The following ADGRG3 variants were observed in gnomAD, a reference collection of about 807,000 sequenced individuals.
ADGRG3 encodes adhesion G protein-coupled receptor G3.
A neutral mutation model predicts 54.3 loss-of-function variants in ADGRG3; 39 were observed. That is an observed-to-expected ratio of 0.72 (90% CI 0.56 to 0.94). ADGRG3 has a LOEUF of 0.94. Ranked by LOEUF, ADGRG3 falls within the 40% of genes least tolerant of loss-of-function variation. ADGRG3 has a pLI of 0.00. For synonymous variants in ADGRG3, 312 were observed against 290.0 expected, an observed-to-expected ratio of 1.08 and a Z score of -0.77; for missense variants, 654 against 694.6, an observed-to-expected ratio of 0.94 and a Z score of 0.66.
rs1238489251 is a variant in ADGRG3 at position 57,688,973 on chromosome 16, T to TGA, written c.*513_*514insAG. The TGA allele has an allele frequency of 6.3e-6, 1 of 159,946 alleles. No homozygotes were observed. The highest frequency in any genetic ancestry group is 5.9e-5 in the Admixed American group (1 of 16,940). The allele number at this position is 159,946 out of a possible 1,614,324, so 9.9% of individuals were successfully genotyped here. A position where few individuals can be genotyped will look rare whatever the true frequency, so the allele number is the denominator to read the frequency against. Reference sequence around the variant, plus strand: ...TTGATCCTCCCACCCAGTCTGCCCCTGGTCTCTGCCCATCCAATCAGAGCC... The same window carrying TGA: ...TTGATCCTCCCACCCAGTCTGCCCCTGAGGTCTCTGCCCATCCAATCAGAGCC... On this transcript the variant is annotated 3_prime_UTR_variant, in exon 12 of 12. Coordinates refer to ENST00000333493, the MANE Select transcript of ADGRG3 (RefSeq NM_170776.5).
rs571437320 is a variant in ADGRG3 at position 57,679,305 on chromosome 16, G to A, written c.621G>A (p.Pro207=). ...PLEIVFSHQR[P]PPNMTLTCVF... The stretch of plus-strand genomic sequence containing the variant: ...AGATCGTCTTCTCTCACCAGCGACC[G>A]CCCCCTGTGAGTCCCCTGCTCAGGC... The change falls in exon 5 of 12, where the codon CCG becomes CCA. Residue 207 remains proline (P), a synonymous_variant. Transcript: ENST00000333493. The A allele has an allele frequency of 3.5e-5, 56 of 1,613,654 alleles. No homozygotes were observed. Among genetic ancestry groups the A allele is most frequent in the African/African-American group, 1.6e-4 (12 of 75,012 alleles).
intron 1 of ADGRG3, 135 bp from the exon 2 acceptor site, chr16:57,673,186 A>G (rs2048192689): frequency 5.1e-6 from 4 of 785,714 alleles, no homozygotes; most frequent in South Asian, 1.8e-5. Flanking sequence ...GCTCAAGTGC[A>G]CCGTTAGTGT....
Position 57,685,689 on chromosome 16 carries a change from G to T in ADGRG3, c.1303G>T (p.Val435Phe), listed in dbSNP as rs201900158. 2.5e-6 allele frequency: 4 copies of T among 1,614,164 alleles called. No individual in the cohort carries two copies. In the Admixed American group the frequency reaches 6.7e-5, roughly 27 times the overall value. Residue 435 changes from valine (V) to phenylalanine (F), a missense_variant, in exon 11 of 12, where the codon GTC (valine) becomes TTC (phenylalanine). Val to Phe is a conservative substitution (Grantham distance 50). Transcript: ENST00000333493. The stretch of plus-strand genomic sequence containing the variant: ...AACCATGTACGCCCTCTATATCACC[G>T]TCCACGGCTACTTCCTCATCACCTT... ...GTTMYALYIT[V>F]HGYFLITFLF...
intron 10 of ADGRG3, 102 bp from the exon 11 acceptor site, chr16:57,685,541 G>A (rs1178544993): frequency 1.8e-6 from 2 of 1,142,426 alleles, no homozygotes; most frequent in African/African-American, 1.5e-5. Context: ...GTGGAAATGG[G>A]AGAGGCACCT....
intron 10 of ADGRG3, 139 bp from the exon 11 acceptor site, chr16:57,685,504 C>A (rs549740790): frequency 2.5e-6 from 2 of 791,500 alleles, no homozygotes; most frequent in East Asian, 2.5e-5. Flanking sequence ...CGGCCCCTCC[C>A]ACAGCGGGAG....
chr16:57,679,078 C>A, intron 4 of ADGRG3, 99 bp from the exon 5 acceptor site: 1 of 1,426,818 alleles, frequency 7.0e-7, no homozygotes, highest in Non-Finnish European at 9.6e-7. Context: ...GCCCTCCAAG[C>A]AAAGGCCATG....
In ADGRG3 at chr16:57,680,335, T is replaced by C; in HGVS notation, c.738T>C (p.Cys246=). 1 of 1,613,034 alleles carries C rather than the reference T, an allele frequency of 6.2e-7. No individual in the cohort carries two copies. Among genetic ancestry groups the C allele is most frequent in the Non-Finnish European group, 8.5e-7 (1 of 1,179,706 alleles). The change falls in exon 7 of 12, where the codon TGT becomes TGC. Residue 246 remains cysteine (C), a synonymous_variant. Coordinates refer to ENST00000333493, the MANE Select transcript of ADGRG3 (RefSeq NM_170776.5). ...GACCTGAGGGGACCGTGTGCTGCTG[T>C]GACCACCTGACCTTTTTCGCCCTGC... The part of the protein sequence containing the change: ...EVRPEGTVCC[C]DHLTFFALLL...
intron 1 of ADGRG3, among the ~76,000 whole-genome samples, chr16:57,669,693 C>T (rs2048118256): frequency 6.6e-6 from 1 of 150,402 alleles, no homozygotes; most frequent in Non-Finnish European, 1.5e-5. Flanking sequence ...TCTCCATTTG[C>T]GCATTCATTC....
intron 9 of ADGRG3, 85 bp from the exon 10 acceptor site, chr16:57,684,305 T>C: frequency 6.4e-7 from 1 of 1,565,384 alleles, no homozygotes; most frequent in Admixed American, 1.7e-5. Context: ...TTCCCAGAGC[T>C]GGAGGGATGG....
At chr16:57,682,955 G>C (rs1199498643) in intron 8 of ADGRG3, among the ~76,000 whole-genome samples, 1 of 152,254 alleles carries the variant, frequency 6.6e-6, no homozygotes, top group East Asian at 1.9e-4. Context: ...GCATGGGAAA[G>C]ACCCGAGGAG....
chr16:57,686,293 C>T (rs775260635), intron 11 of ADGRG3, among the ~76,000 whole-genome samples: 2 of 152,098 alleles, frequency 1.3e-5, no homozygotes, highest in African/African-American at 4.8e-5. Flanking sequence ...TATCACATGG[C>T]GAGAGTGGGA....
At position 57,688,304 on chromosome 16, in the gene ADGRG3, C is replaced by T. The variant is rs564691068; in HGVS notation, c.1541-48C>T. On this transcript the variant is annotated intron_variant, in intron 11 of 11. Transcript: ENST00000333493. ...AGCCACCAGCCCAGGCTGCCCCACTCTCTGCCCACCCCTTTCCAGGCTCAC... is the reference window on the plus strand; with the variant it reads ...AGCCACCAGCCCAGGCTGCCCCACTTTCTGCCCACCCCTTTCCAGGCTCAC... 1.0e-5 allele frequency: 13 copies of T among 1,239,998 alleles called. No individual in the cohort carries two copies. In the East Asian group the frequency reaches 2.1e-4, roughly 20 times the overall value. 76.8% of individuals were successfully genotyped at this position (1,239,998 alleles called of 1,614,324 possible).
Position 57,678,714 on chromosome 16 carries a change from T to C in ADGRG3, c.492+398T>C, listed in dbSNP as rs2048308906. On this transcript the variant is annotated intron_variant, in intron 4 of 11. Transcript: ENST00000333493. ...GTGTACCCATGCCCTTGCACATGTG[T>C]ATACCAGGTATGTGCACCCAGAGGT... 1.6e-5 allele frequency: 5 copies of C among 319,586 alleles called. No homozygotes were observed. In the South Asian group the frequency reaches 1.8e-4, roughly 12 times the overall value. The allele number at this position is 319,586 out of a possible 1,614,324, so 19.8% of individuals were successfully genotyped here. A position where few individuals can be genotyped will look rare whatever the true frequency, so the allele number is the denominator to read the frequency against.
At position 57,685,845 on chromosome 16, in the gene ADGRG3, GGT is replaced by G. The variant is rs549547490; in HGVS notation, c.1463_1464del (p.Val488AspfsTer78). The G allele has an allele frequency of 8.1e-6, 13 of 1,614,114 alleles. No homozygotes were observed. The East Asian group carries it at 2.7e-4, about 33-fold the overall frequency. ...LTLLGLSSLV[G>X]VTWGLAIFTP... ...CCTGCTGGGCCTCTCGAGCCTGGTG[GGT>G]GTGACATGGGGGTTGGCCATCTTCA... On this transcript the variant is annotated frameshift_variant, in exon 11 of 12. Transcript: ENST00000333493. LOFTEE classifies it high-confidence loss of function.
rs1271959355 is a variant in ADGRG3 at position 57,679,432 on chromosome 16, A to G, written c.627+121A>G. The G allele has an allele frequency of 4.4e-6, 5 of 1,131,110 alleles. No individual in the cohort carries two copies. The African/African-American group carries it at 4.7e-5, about 11-fold the overall frequency. 70.1% of individuals were successfully genotyped at this position (1,131,110 alleles called of 1,614,324 possible). A position where few individuals can be genotyped will look rare whatever the true frequency, so the allele number is the denominator to read the frequency against. The stretch of plus-strand genomic sequence containing the variant: ...GTCCCCTACCCTTCCACAGTCGCCC[A>G]GGAGGAGCCATTAGGGCCATACACA... On this transcript the variant is annotated intron_variant, in intron 5 of 11. Coordinates refer to ENST00000333493, the MANE Select transcript of ADGRG3 (RefSeq NM_170776.5).
In ADGRG3 at chr16:57,679,203, C is replaced by T. The variant is rs563543731; in HGVS notation, c.519C>T (p.Gly173=). The T allele has an allele frequency of 6.8e-6, 11 of 1,613,842 alleles. No homozygotes were observed. In the African/African-American group the frequency reaches 1.1e-4, roughly 16 times the overall value. The change falls in exon 5 of 12, where the codon GGC becomes GGT. Residue 173 remains glycine, a synonymous_variant. Coordinates refer to ENST00000333493, the MANE Select transcript of ADGRG3 (RefSeq NM_170776.5). ...GCCCCCGGCTCGGCCTGGGAGATGG[C>T]AGCGGCGTGTTGAACAATCGCCTGG... The part of the protein sequence containing the change: ...FKGPRLGLGD[G]SGVLNNRLVG...
rs1022463368 is a variant in ADGRG3, at chr16:57,684,112, C to T, written c.1062C>T (p.Thr354=). 16 of 1,614,112 alleles carry T rather than the reference C, an allele frequency of 9.9e-6. No homozygotes were observed. Among genetic ancestry groups the T allele is most frequent in the Non-Finnish European group, 1.2e-5 (14 of 1,179,988 alleles). Residue 354 remains threonine (T), a synonymous_variant, in exon 9 of 12, where the codon ACC becomes ACT. Transcript: ENST00000333493. ...VFHYFLLCAF[T]WMGLEAFHLY... is the part of the protein sequence containing the mutation. ...ACTACTTCCTGCTCTGTGCCTTCAC[C>T]TGGATGGGCCTTGAAGCCTTCCACC...
intron 2 of ADGRG3, among the ~76,000 whole-genome samples, chr16:57,674,829 CAAAAAAAA>C (rs56719808): frequency 1.2e-5 from 1 of 82,158 alleles, no homozygotes; most frequent in Non-Finnish European, 2.9e-5. Context: ...ACTGAAAATA[CAAAAAAAA>C]AAAAAAAAAA....
intron 9 of ADGRG3, 86 bp from the exon 10 acceptor site, chr16:57,684,304 C>T: frequency 1.3e-6 from 2 of 1,566,402 alleles, no homozygotes; most frequent in South Asian, 2.3e-5. Context: ...GTTCCCAGAG[C>T]TGGAGGGATG....
Sources: gnomAD v4.1 joint callset for allele counts (sites outside exome capture counted in the v4.1 genomes callset) on GRCh38, gnomAD v4.1.1 for gene constraint, MANE v1.5 for transcripts, NCBI Gene and HGNC (gene_info 2026-07-23, HGNC 2026-07-21) for gene names.